The following GRM8 variants were observed in gnomAD, a reference collection of about 807,000 sequenced individuals.
The protein encoded by GRM8 is glutamate metabotropic receptor 8, also known as metabotropic glutamate receptor 8.
In GRM8, 47 loss-of-function variants were observed where a neutral mutation model predicts 87.2. The observed-to-expected ratio is 0.54, with a 90% CI of 0.43 to 0.69. The LOEUF is 0.69. GRM8 is among the 30% of genes least tolerant of loss of function. The pLI is 0.00. For missense variants in GRM8, 1,019 were observed against 1,139.2 expected (o/e 0.89, Z 1.52); for synonymous variants, 396 against 404.5 (o/e 0.98, Z 0.25).
chr7:127,189,633 A>AG (rs1443793719), intron 2 of GRM8, among the ~76,000 whole-genome samples: 1 of 152,206 alleles, frequency 6.6e-6, no homozygotes, highest in Non-Finnish European at 1.5e-5. Context: ...AATTAAAAAA[A>AG]GGAAAAAATA....
chr7:126,595,783 C>T (rs534458231), intron 8 of GRM8, among the ~76,000 whole-genome samples: 3 of 152,204 alleles, frequency 2.0e-5, no homozygotes, highest in Non-Finnish European at 2.9e-5. Context: ...GATTCCATGT[C>T]TTTCCTATTG....
chr7:126,806,583 C>T (rs2151726191), intron 6 of GRM8, among the ~76,000 whole-genome samples: 1 of 152,348 alleles, frequency 6.6e-6, no homozygotes, highest in Middle Eastern at 3.4e-3. Flanking sequence ...ATTTACAAAC[C>T]TTTGGCTAGA....
intron 9 of GRM8, among the ~76,000 whole-genome samples, chr7:126,492,422 T>C (rs984949124): frequency 1.3e-5 from 2 of 151,974 alleles, no homozygotes; most frequent in Admixed American, 6.6e-5. Flanking sequence ...CCCAACACAA[T>C]CAATGAGTAC....
chr7:126,707,932 AG>A (rs1810708744), intron 7 of GRM8, among the ~76,000 whole-genome samples: 2 of 152,200 alleles, frequency 1.3e-5, no homozygotes, highest in African/African-American at 4.8e-5. Context: ...TACACAGCAA[AG>A]GAAAGAGTCA....
intron 8 of GRM8, among the ~76,000 whole-genome samples, chr7:126,590,966 A>T (rs892192307): frequency 6.6e-6 from 1 of 150,800 alleles, no homozygotes; most frequent in African/African-American, 2.4e-5. Context: ...AACACCATAA[A>T]TTTTTTTTTT....
At chr7:126,663,563 C>A (rs1260623347) in intron 7 of GRM8, among the ~76,000 whole-genome samples, 1 of 152,112 alleles carries the variant, frequency 6.6e-6, no homozygotes. Flanking sequence ...TCAATAGATG[C>A]AGAAAAAGCT....
rs138946369 is a variant in GRM8, at chr7:126,681,401, C to G, written c.1358-71903G>C. Among the ~76,000 whole-genome samples, 134 of 152,310 alleles carry G rather than the reference C, an allele frequency of 8.8e-4. 1 individual carries two copies. The East Asian group carries it at 0.024, about 27-fold the overall frequency. ...GAGAGCTGCCACTGTTGTTGGTGTG[C>G]GTGAGAGCTAAATCTACCTAAGGTA... On this transcript the variant is annotated intron_variant, in intron 7 of 10. Transcript: ENST00000339582.
chr7:127,119,724 C>T (rs1826920174), intron 2 of GRM8, among the ~76,000 whole-genome samples: 1 of 152,068 alleles, frequency 6.6e-6, no homozygotes, highest in South Asian at 2.1e-4. Context: ...TTTGTTTGTT[C>T]TCGTTTTTCA....
chr7:126,800,676 G>T (rs987054219), intron 6 of GRM8, among the ~76,000 whole-genome samples: 1 of 152,046 alleles, frequency 6.6e-6, no homozygotes, highest in Non-Finnish European at 1.5e-5. Flanking sequence ...GGGAGAAAAA[G>T]TGTTCAATCC....
chr7:127,101,187 AC>A (rs1255799436), intron 3 of GRM8, among the ~76,000 whole-genome samples: 1 of 151,818 alleles, frequency 6.6e-6, no homozygotes, highest in Non-Finnish European at 1.5e-5. Flanking sequence ...CTCACAAATG[AC>A]CCCCAAGTCT....
intron 9 of GRM8, among the ~76,000 whole-genome samples, chr7:126,503,969 G>A (rs182354721): frequency 6.1e-4 from 93 of 152,138 alleles, no homozygotes; most frequent in Non-Finnish European, 1.1e-3. Context: ...CGCAGTCTTT[G>A]CATGAATTAA....
intron 7 of GRM8, among the ~76,000 whole-genome samples, chr7:126,705,513 T>C (rs1263505466): frequency 6.6e-6 from 1 of 152,162 alleles, no homozygotes; most frequent in African/African-American, 2.4e-5. Flanking sequence ...CATAGATCTA[T>C]GTGTGGACAA....
intron 6 of GRM8, among the ~76,000 whole-genome samples, chr7:126,823,642 T>C (rs933951288): frequency 6.6e-6 from 1 of 152,246 alleles, no homozygotes; most frequent in African/African-American, 2.4e-5. Flanking sequence ...TATTATCATT[T>C]CAAAATGTTA....
chr7:126,645,930 T>C (rs765039508), intron 7 of GRM8, among the ~76,000 whole-genome samples: 61 of 152,130 alleles, frequency 4.0e-4, no homozygotes, highest in Non-Finnish European at 6.3e-4. Context: ...CCAGGGAAAA[T>C]AGAAGTCATA....
intron 7 of GRM8, among the ~76,000 whole-genome samples, chr7:126,693,240 T>A (rs1809015744): frequency 6.6e-6 from 1 of 152,238 alleles, no homozygotes; most frequent in Admixed American, 6.5e-5. Context: ...ATACTAACAT[T>A]ATTATTCCTT....
In GRM8 at chr7:126,976,072, A is replaced by C. The variant is rs575500272; in HGVS notation, c.728-71389T>G. On this transcript the variant is annotated intron_variant, in intron 3 of 10. Transcript: ENST00000339582. The stretch of plus-strand genomic sequence containing the variant: ...ATTGTAGTGATAATGAAGTTGAAAA[A>C]CACATGGATATGGATGACTTTCTCA... 2.3e-3 allele frequency among the ~76,000 whole-genome samples: 357 copies of C among 152,314 alleles called. 3 individuals are homozygous for C. The highest frequency in any genetic ancestry group is 7.8e-3 in the African/African-American group (324 of 41,566).
At chr7:127,077,963 G>A (rs1313781868) in intron 3 of GRM8, among the ~76,000 whole-genome samples, 1 of 152,214 alleles carries the variant, frequency 6.6e-6, no homozygotes, top group Non-Finnish European at 1.5e-5. Flanking sequence ...GTCGAGGCCA[G>A]GGATGCTGGT....
chr7:126,933,772 T>C (rs1032232573), intron 3 of GRM8, among the ~76,000 whole-genome samples: 4 of 152,246 alleles, frequency 2.6e-5, no homozygotes, highest in Non-Finnish European at 5.9e-5. Flanking sequence ...TCATGTAATA[T>C]GTGCTCAATA....
At chr7:127,085,279 G>T (rs1280954520) in intron 3 of GRM8, among the ~76,000 whole-genome samples, 1 of 152,236 alleles carries the variant, frequency 6.6e-6, no homozygotes, top group Non-Finnish European at 1.5e-5. Flanking sequence ...ACATACGTGT[G>T]CATGTGTCTT....
Sources: gnomAD v4.1 joint callset for allele counts (sites outside exome capture counted in the v4.1 genomes callset) on GRCh38, gnomAD v4.1.1 for gene constraint, MANE v1.5 for transcripts, NCBI Gene and HGNC (gene_info 2026-07-23, HGNC 2026-07-21) for gene names.